The following PHACTR1 variants were observed in gnomAD, a reference collection of about 807,000 sequenced individuals.
PHACTR1 encodes the protein phosphatase and actin regulator 1.
In PHACTR1, 16 loss-of-function variants were observed where a neutral mutation model predicts 69.2. The ratio of observed to expected loss-of-function variants is 0.23; its 90% CI spans 0.16 to 0.35. The LOEUF is 0.35. Ranked by LOEUF, PHACTR1 falls within the 10% of genes least tolerant of loss-of-function variation. The probability of loss-of-function intolerance (pLI) is 1.00; values close to 1 mark genes in which losing one functional copy is unlikely to be tolerated. For missense variants in PHACTR1, 510 were observed against 734.7 expected (o/e 0.69, Z 3.54); for synonymous variants, 312 against 284.5 (o/e 1.10, Z -0.97).
At chr6:13,059,483 CACACACACACAA>C (rs1383872169) in intron 5 of PHACTR1, among the ~76,000 whole-genome samples, 5 of 151,246 alleles carry the variant, frequency 3.3e-5, no homozygotes, top group African/African-American at 1.2e-4. Context: ...CACACACACA[CACACACACACAA>C]AACCCACAGA....
intron 4 of PHACTR1, among the ~76,000 whole-genome samples, chr6:12,844,862 A>C (rs941468102): frequency 6.6e-6 from 1 of 152,270 alleles, no homozygotes; most frequent in Admixed American, 6.5e-5. Context: ...CCGTGGGCCT[A>C]GAAGAAAAAC....
chr6:13,035,747 ACT>A (rs1470957577), intron 4 of PHACTR1, among the ~76,000 whole-genome samples: 1 of 151,750 alleles, frequency 6.6e-6, no homozygotes, highest in African/African-American at 2.4e-5. Context: ...GGGACTCATG[ACT>A]CTCCATGCTG....
At chr6:13,024,512 A>C (rs1801417318) in intron 4 of PHACTR1, among the ~76,000 whole-genome samples, 1 of 152,196 alleles carries the variant, frequency 6.6e-6, no homozygotes, top group Non-Finnish European at 1.5e-5. Flanking sequence ...AAATTTCAGT[A>C]ACTCACTGAT....
chr6:12,774,115 T>G (rs551384619), intron 4 of PHACTR1, among the ~76,000 whole-genome samples: 1 of 152,194 alleles, frequency 6.6e-6, no homozygotes, highest in Non-Finnish European at 1.5e-5. Context: ...TTGGTAGTAG[T>G]GTTTTGTTCA....
chr6:12,971,466 T>A (rs1794189425), intron 4 of PHACTR1, among the ~76,000 whole-genome samples: 1 of 152,116 alleles, frequency 6.6e-6, no homozygotes, highest in Non-Finnish European at 1.5e-5. Context: ...CACTGAGGGA[T>A]GGGAAATTGG....
At position 12,809,661 on chromosome 6, in the gene PHACTR1, C is replaced by T. The variant is rs561714163; in HGVS notation, c.250+59871C>T. ...CTATTTACTTCTAGGGAATATTATG[C>T]CCACTAATAAAATGGTAGATGTGAG... On this transcript the variant is annotated intron_variant, in intron 4 of 14. Coordinates refer to ENST00000332995, the MANE Select transcript of PHACTR1 (RefSeq NM_030948.6). Among the ~76,000 whole-genome samples, 6 of 152,224 alleles carry T rather than the reference C, an allele frequency of 3.9e-5. No individual in the cohort carries two copies. The South Asian group carries it at 6.2e-4, about 16-fold the overall frequency.
intron 5 of PHACTR1, among the ~76,000 whole-genome samples, chr6:13,143,480 A>G (rs918765375): frequency 2.6e-5 from 4 of 152,236 alleles, no homozygotes; most frequent in Non-Finnish European, 5.9e-5. Context: ...CTGTGTGTGC[A>G]GATATCTCCT....
chr6:12,868,261 G>GA (rs60449070), intron 4 of PHACTR1, among the ~76,000 whole-genome samples: 127,777 of 136,622 alleles, frequency 0.94, 59,832 homozygotes, highest in Middle Eastern at 0.99. Flanking sequence ...ATCTCAAAAA[G>GA]AAAAAAAAAA....
At chr6:13,068,089 G>C (rs1452929565) in intron 5 of PHACTR1, among the ~76,000 whole-genome samples, 1 of 152,146 alleles carries the variant, frequency 6.6e-6, no homozygotes, top group Non-Finnish European at 1.5e-5. Context: ...GGCTGAGGCA[G>C]GCAGATTACC....
chr6:12,996,606 G>C (rs1452139514), intron 4 of PHACTR1, among the ~76,000 whole-genome samples: 1 of 152,028 alleles, frequency 6.6e-6, no homozygotes. Context: ...TTTAAGAAGG[G>C]TTACTCTTAA....
intron 5 of PHACTR1, among the ~76,000 whole-genome samples, chr6:13,158,798 A>C (rs1468638656): frequency 6.6e-6 from 1 of 152,208 alleles, no homozygotes; most frequent in Non-Finnish European, 1.5e-5. Flanking sequence ...TTAGAACCAC[A>C]ATCCTTGTTG....
chr6:12,989,703 C>T (rs1233550104), intron 4 of PHACTR1, among the ~76,000 whole-genome samples: 3 of 152,066 alleles, frequency 2.0e-5, no homozygotes, highest in South Asian at 2.1e-4. Flanking sequence ...ATGGAGGCTG[C>T]GAAAGGCCCA....
chr6:12,921,283 A>G (rs760802310), intron 4 of PHACTR1, among the ~76,000 whole-genome samples: 2 of 152,200 alleles, frequency 1.3e-5, no homozygotes, highest in Non-Finnish European at 2.9e-5. Flanking sequence ...GAACCAGCAC[A>G]GGCATTCACA....
chr6:13,122,809 C>A (rs1818934004), intron 5 of PHACTR1, among the ~76,000 whole-genome samples: 3 of 152,138 alleles, frequency 2.0e-5, no homozygotes, highest in Non-Finnish European at 4.4e-5. Flanking sequence ...ATGCTCTCAG[C>A]ATGAGATCAA....
At chr6:12,989,652 T>G (rs562028326) in intron 4 of PHACTR1, among the ~76,000 whole-genome samples, 1 of 152,204 alleles carries the variant, frequency 6.6e-6, no homozygotes, top group African/African-American at 2.4e-5. Context: ...AGAGACAAGT[T>G]AAGAGTTTAT....
At chr6:12,719,331 A>G (rs761527627) in intron 3 of PHACTR1, among the ~76,000 whole-genome samples, 36 of 152,204 alleles carry the variant, frequency 2.4e-4, no homozygotes, top group Non-Finnish European at 4.0e-4. Context: ...TTACTAGTGT[A>G]CATTCAGGGA....
chr6:13,047,309 T>A (rs371515672), intron 4 of PHACTR1, among the ~76,000 whole-genome samples: 1 of 131,204 alleles, frequency 7.6e-6, no homozygotes, highest in Admixed American at 9.6e-5. Flanking sequence ...ACCTGGGAGG[T>A]GGAGGTTGCA....
At chr6:13,147,578 C>A (rs567808319) in intron 5 of PHACTR1, among the ~76,000 whole-genome samples, 1 of 152,190 alleles carries the variant, frequency 6.6e-6, no homozygotes, top group Non-Finnish European at 1.5e-5. Context: ...TTAAGAGCAA[C>A]CTTCTGCACT....
At chr6:13,040,314 A>G (rs1339030092) in intron 4 of PHACTR1, among the ~76,000 whole-genome samples, 1 of 151,998 alleles carries the variant, frequency 6.6e-6, no homozygotes, top group Non-Finnish European at 1.5e-5. Flanking sequence ...TCTTTCCTTG[A>G]CCTGTTGCCT....
Sources: gnomAD v4.1 joint callset for allele counts (sites outside exome capture counted in the v4.1 genomes callset) on GRCh38, gnomAD v4.1.1 for gene constraint, MANE v1.5 for transcripts, NCBI Gene and HGNC (gene_info 2026-07-23, HGNC 2026-07-21) for gene names.